Variants in ATAD3B observed in about 807,000 individuals in gnomAD.
ATAD3B encodes the protein ATPase family AAA domain containing 3B.
Under a neutral mutation model 70.2 loss-of-function variants are expected in ATAD3B, and 59 were observed. The ratio of observed to expected loss-of-function variants is 0.84; its 90% CI spans 0.68 to 1.04. ATAD3B has a LOEUF of 1.04. Ranked by LOEUF, ATAD3B falls within the 50% of genes least tolerant of loss-of-function variation. The probability of loss-of-function intolerance (pLI) is 0.00; values close to 1 mark genes in which losing one functional copy is unlikely to be tolerated. For synonymous variants in ATAD3B, 423 were observed against 388.6 expected (o/e 1.09, Z -1.04); for missense variants, 961 against 913.4 (o/e 1.05, Z -0.67).
chr1:1,475,472 C>G (rs1051573417), intron 1 of ATAD3B, among the ~76,000 whole-genome samples: 1 of 151,768 alleles, frequency 6.6e-6, no homozygotes, highest in African/African-American at 2.4e-5. Context: ...CGAGATTCGC[C>G]CGTTGCTTTG....
At chr1:1,487,183 C>A (rs1314542572) in intron 11 of ATAD3B, among the ~76,000 whole-genome samples, 1 of 152,086 alleles carries the variant, frequency 6.6e-6, no homozygotes, top group Non-Finnish European at 1.5e-5. Flanking sequence ...GGCCTTTGAC[C>A]TTTCACTTTA....
rs1260171674 is a variant in ATAD3B at position 1,482,986 on chromosome 1, A to G, written c.750+372A>G. 1.1e-5 allele frequency: 5 copies of G among 468,174 alleles called. No homozygotes were observed. In the East Asian group the frequency reaches 3.2e-4, roughly 30 times the overall value. 29.0% of individuals were successfully genotyped at this position (468,174 alleles called of 1,614,324 possible). On this transcript the variant is annotated intron_variant, in intron 7 of 15. Transcript: ENST00000673477. ...ACTGCACTCCATTCTTGGCGAGAGA[A>G]TAAGACCTTGTCTCAAGAAAAAAAT...
At chr1:1,476,331 C>A (rs1300988318) in intron 1 of ATAD3B, among the ~76,000 whole-genome samples, 1 of 148,768 alleles carries the variant, frequency 6.7e-6, no homozygotes, top group Non-Finnish European at 1.5e-5. Flanking sequence ...TCAGTCACCT[C>A]CAAAAATTAC....
Position 1,496,238 on chromosome 1 carries a change from G to T in ATAD3B, c.*421G>T. On this transcript the variant is annotated 3_prime_UTR_variant, in exon 16 of 16. Coordinates refer to ENST00000673477, the MANE Select transcript of ATAD3B (RefSeq NM_031921.6). ...TCTCTATTGACTGACACTGCTCGGG[G>T]TTTCAGGGGCGCCCTAGCGTCCTCC... 5.0e-6 allele frequency: 5 copies of T among 998,946 alleles called. No homozygotes were observed. Among genetic ancestry groups the T allele is most frequent in the Non-Finnish European group, 6.0e-6 (5 of 838,924 alleles). The allele number at this position is 998,946 out of a possible 1,614,324, so 61.9% of individuals were successfully genotyped here. A position where few individuals can be genotyped will look rare whatever the true frequency, so the allele number is the denominator to read the frequency against.
At chr1:1,498,952 C>G (rs1201641539), downstream of ATAD3B, among the ~76,000 whole-genome samples, 1 of 150,660 alleles carries the variant, frequency 6.6e-6, no homozygotes, top group African/African-American at 2.5e-5. Context: ...GTAGCCCCTA[C>G]TGCTGTGTGG....
rs746350964 is a variant in ATAD3B, at chr1:1,489,084, A to G, written c.1267-120A>G. The G allele has an allele frequency of 1.3e-4, 203 of 1,532,806 alleles. 1 individual carries two copies. Among genetic ancestry groups the G allele is most frequent in the Non-Finnish European group, 1.8e-4 (198 of 1,128,006 alleles). 95.0% of individuals were successfully genotyped at this position (1,532,806 alleles called of 1,614,324 possible). ...GCCCTGGTCAGGATTTTGAGTTTAG[A>G]TCCATGAAAGTGTCGCCACGTCCCT... is the stretch of plus-strand genomic sequence containing the variant. On this transcript the variant is annotated intron_variant, in intron 12 of 15. Coordinates refer to ENST00000673477, the MANE Select transcript of ATAD3B (RefSeq NM_031921.6).
chr1:1,494,693 G>T (rs1400296882), intron 15 of ATAD3B, among the ~76,000 whole-genome samples: 1 of 152,020 alleles, frequency 6.6e-6, no homozygotes, highest in East Asian at 1.9e-4. Flanking sequence ...TGCACCCCGT[G>T]AGATGAATCC....
In ATAD3B at chr1:1,496,183, A is replaced by G. The variant is rs1209925923; in HGVS notation, c.*366A>G. Reference sequence around the variant, plus strand: ...TGGAGCTGGTGTGTGTTTATCTAATAAAGTCCCACAGGTGCCTCACCGCCG... The same window carrying G: ...TGGAGCTGGTGTGTGTTTATCTAATGAAGTCCCACAGGTGCCTCACCGCCG... On this transcript the variant is annotated 3_prime_UTR_variant, in exon 16 of 16. Coordinates refer to ENST00000673477, the MANE Select transcript of ATAD3B (RefSeq NM_031921.6). 37 of 1,032,250 alleles carry G rather than the reference A, an allele frequency of 3.6e-5. No individual in the cohort carries two copies. Among genetic ancestry groups the G allele is most frequent in the Non-Finnish European group, 3.7e-5 (32 of 860,220 alleles). The allele number at this position is 1,032,250 out of a possible 1,614,324, so 63.9% of individuals were successfully genotyped here. A position where few individuals can be genotyped will look rare whatever the true frequency, so the allele number is the denominator to read the frequency against.
the ATAD3B span, among the ~76,000 whole-genome samples, chr1:1,508,924 T>C: frequency 9.2e-5 from 14 of 151,474 alleles, no homozygotes; most frequent in African/African-American, 2.0e-4. Flanking sequence ...GAAGCTGCCC[T>C]GGGTCGGCCG....
At chr1:1,491,317 CG>C (rs1326855515) in intron 15 of ATAD3B, among the ~76,000 whole-genome samples, 1 of 151,944 alleles carries the variant, frequency 6.6e-6, no homozygotes, top group Non-Finnish European at 1.5e-5. Flanking sequence ...AGGCATATCA[CG>C]GGGTCAGATT....
the ATAD3B span, among the ~76,000 whole-genome samples, chr1:1,505,348 T>C: frequency 1.3e-5 from 2 of 151,966 alleles, no homozygotes; most frequent in African/African-American, 4.8e-5. Context: ...GCTACTGTTA[T>C]CTAAAAGGCA....
At chr1:1,509,355 C>G in the ATAD3B span, 3 of 1,610,094 alleles carry the variant, frequency 1.9e-6, no homozygotes, top group Admixed American at 3.4e-5. Context: ...ATCCTGAGTC[C>G]ATGGGGAGAC....
In ATAD3B at chr1:1,490,417, G is replaced by GT; in HGVS notation, c.1498_1499insT (p.Gly500ValfsTer11). On this transcript the variant is annotated frameshift_variant, in exon 14 of 16. Coordinates refer to ENST00000673477, the MANE Select transcript of ATAD3B (RefSeq NM_031921.6). LOFTEE classifies it high-confidence loss of function. ...CTGTGTTCTTAAGCCGGCCACAGAA[G>GT]GAAAACGGTGAGTGTCCCGCCTCAC... 6.2e-7 allele frequency: 1 copy of GT among 1,613,362 alleles called. No homozygotes were observed. The highest frequency in any genetic ancestry group is 8.5e-7 in the Non-Finnish European group (1 of 1,179,696).
the ATAD3B span, among the ~76,000 whole-genome samples, chr1:1,504,213 T>G: frequency 7.7e-4 from 117 of 151,952 alleles, no homozygotes; most frequent in African/African-American, 2.8e-3. Flanking sequence ...CTTGAACTCC[T>G]GACCTCAAGG....
chr1:1,489,799 A>G (rs1331720507), intron 13 of ATAD3B: 14 of 1,284,070 alleles, frequency 1.1e-5, no homozygotes, highest in Non-Finnish European at 1.4e-5. Context: ...CGCTCCCTGG[A>G]GCCCTGACTC....
chr1:1,501,881 TTTTG>T (rs1470075808), downstream of ATAD3B, among the ~76,000 whole-genome samples: 2 of 151,990 alleles, frequency 1.3e-5, no homozygotes, highest in Admixed American at 6.6e-5. Flanking sequence ...TTTTGTTTTG[TTTTG>T]TTTGTTTTTT....
intron 15 of ATAD3B, 122 bp downstream of exon 15, chr1:1,490,793 G>T: frequency 1.3e-6 from 2 of 1,484,548 alleles, no homozygotes; most frequent in Non-Finnish European, 1.8e-6. Flanking sequence ...GGTTTTCAGT[G>T]CACAGACGTG....
intron 7 of ATAD3B, chr1:1,483,479 CAA>C (rs1276530148): frequency 5.1e-6 from 1 of 196,262 alleles, no homozygotes; most frequent in Non-Finnish European, 1.0e-5. Flanking sequence ...AAAAAACAAA[CAA>C]AATAAATAAG....
At chr1:1,478,351 A>G in intron 2 of ATAD3B, 1 of 1,368,828 alleles carries the variant, frequency 7.3e-7, no homozygotes, top group Non-Finnish European at 9.8e-7. Context: ...ACAGTCCAAA[A>G]GTGAGCACCT....
Sources: gnomAD v4.1 joint callset for allele counts (sites outside exome capture counted in the v4.1 genomes callset) on GRCh38, gnomAD v4.1.1 for gene constraint, MANE v1.5 for transcripts, NCBI Gene and HGNC (gene_info 2026-07-23, HGNC 2026-07-21) for gene names.